Variants in ADAD1 observed in about 807,000 individuals in gnomAD.
ADAD1 encodes adenosine deaminase domain containing 1, also known as adenosine deaminase domain-containing protein 1.
ADAD1 carries 46 observed loss-of-function variants against 66.8 expected under a neutral mutation model. That is an observed-to-expected ratio of 0.69 (90% CI 0.54 to 0.88). The LOEUF is 0.88. Among genes scored for constraint, ADAD1 ranks in the 40% least tolerant of loss-of-function variants. The pLI, the probability that ADAD1 is intolerant of heterozygous loss-of-function variation, is 0.00. For synonymous variants in ADAD1, 248 were observed against 229.4 expected, an observed-to-expected ratio of 1.08 and a Z score of -0.73; for missense variants, 617 against 681.8, an observed-to-expected ratio of 0.91 and a Z score of 1.06.
intron 5 of ADAD1, among the ~76,000 whole-genome samples, chr4:122,384,243 G>A (rs1795050258): frequency 6.6e-6 from 1 of 152,144 alleles, no homozygotes; most frequent in South Asian, 2.1e-4. Flanking sequence ...AGTTTTCTTT[G>A]TAATTTGTTA....
At chr4:122,381,887 G>A (rs1794913592) in intron 4 of ADAD1, among the ~76,000 whole-genome samples, 1 of 152,142 alleles carries the variant, frequency 6.6e-6, no homozygotes, top group African/African-American at 2.4e-5. Flanking sequence ...TGAGTAGTTA[G>A]GTTGTTTCTT....
chr4:122,380,426 G>C, intron 3 of ADAD1, 185 bp downstream of exon 3: 1 of 670,328 alleles, frequency 1.5e-6, no homozygotes. Context: ...TACCTGTGCC[G>C]CTCGTTTAAC....
chr4:122,403,658 G>A (rs1413919930), intron 7 of ADAD1, among the ~76,000 whole-genome samples: 1 of 152,134 alleles, frequency 6.6e-6, no homozygotes, highest in Non-Finnish European at 1.5e-5. Context: ...GGCACCATCT[G>A]TCGTAGGAGA....
chr4:122,410,521 T>C (rs1796421470), intron 8 of ADAD1, among the ~76,000 whole-genome samples: 1 of 152,232 alleles, frequency 6.6e-6, no homozygotes, highest in Non-Finnish European at 1.5e-5. Flanking sequence ...ATTGTGAATA[T>C]ATAATCTGCA....
intron 11 of ADAD1, among the ~76,000 whole-genome samples, chr4:122,420,948 C>T (rs910701863): frequency 1.3e-5 from 2 of 152,118 alleles, no homozygotes; most frequent in Admixed American, 6.5e-5. Context: ...TACCCATTTC[C>T]AGTGAATCCC....
chr4:122,404,342 T>C (rs955227187), intron 7 of ADAD1, among the ~76,000 whole-genome samples: 1 of 152,172 alleles, frequency 6.6e-6, no homozygotes, highest in Non-Finnish European at 1.5e-5. Context: ...TTCCATAGGC[T>C]GGGGACTGGG....
intron 5 of ADAD1, among the ~76,000 whole-genome samples, chr4:122,388,531 T>C (rs1362628784): frequency 6.6e-6 from 1 of 152,242 alleles, no homozygotes; most frequent in Non-Finnish European, 1.5e-5. Context: ...TACTAATTGC[T>C]GCCTCAATTT....
rs1343672087 is a variant in ADAD1 at position 122,411,190 on chromosome 4, A to G, written c.849-32A>G. The G allele has an allele frequency of 2.7e-6, 4 of 1,504,528 alleles. No homozygotes were observed. The African/African-American group carries it at 5.7e-5, about 21-fold the overall frequency. The allele number at this position is 1,504,528 out of a possible 1,614,324, so 93.2% of individuals were successfully genotyped here. Reference sequence around the variant, plus strand: ...TTAAGATATATCTTTTATAAAGTTTATTACTTGACAAAATTATAACATTTA... The same window carrying G: ...TTAAGATATATCTTTTATAAAGTTTGTTACTTGACAAAATTATAACATTTA... On this transcript the variant is annotated intron_variant, in intron 8 of 12. Coordinates refer to ENST00000296513, the MANE Select transcript of ADAD1 (RefSeq NM_139243.4).
chr4:122,391,902 G>A (rs1426161386), intron 5 of ADAD1, among the ~76,000 whole-genome samples: 1 of 152,024 alleles, frequency 6.6e-6, no homozygotes, highest in Non-Finnish European at 1.5e-5. Context: ...TAAAGATAGG[G>A]TTTCGCCATG....
rs892136500 is a variant in ADAD1 at position 122,411,160 on chromosome 4, G to A, written c.849-62G>A. ...TGCTTCTGACACATGTGGACATGAT[G>A]CTCATTAAGATATATCTTTTATAAA... On this transcript the variant is annotated intron_variant, in intron 8 of 12. Coordinates refer to ENST00000296513, the MANE Select transcript of ADAD1 (RefSeq NM_139243.4). 2.3e-6 allele frequency: 3 copies of A among 1,308,152 alleles called. No homozygotes were observed. In the African/African-American group the frequency reaches 4.6e-5, roughly 20 times the overall value. The allele number at this position is 1,308,152 out of a possible 1,614,324, so 81.0% of individuals were successfully genotyped here.
At chr4:122,406,574 T>G (rs918418766) in intron 7 of ADAD1, among the ~76,000 whole-genome samples, 1 of 152,158 alleles carries the variant, frequency 6.6e-6, no homozygotes, top group Admixed American at 6.6e-5. Flanking sequence ...CCCAAGATGG[T>G]TTTTACTTCA....
intron 10 of ADAD1, among the ~76,000 whole-genome samples, chr4:122,414,263 T>C (rs1266199657): frequency 8.1e-6 from 1 of 123,910 alleles, no homozygotes; most frequent in African/African-American, 2.8e-5. Context: ...TTTTTCCAAA[T>C]GTCTTTTTTT....
chr4:122,426,259 G>A (rs549035600), intron 12 of ADAD1, among the ~76,000 whole-genome samples: 2 of 152,224 alleles, frequency 1.3e-5, no homozygotes, highest in South Asian at 4.1e-4. Context: ...AAATGGACAT[G>A]TTCCTAGAAA....
rs572057798 is a variant in ADAD1, at chr4:122,383,659, C to T, written c.362-140C>T. On this transcript the variant is annotated intron_variant, in intron 4 of 12. Transcript: ENST00000296513. ...AGTTTTAGTTTAACTCCTATTGGTC[C>T]TACAAAAGGACTTGTAAAGTTGGTG... The T allele has an allele frequency of 1.5e-5, 14 of 919,800 alleles. No individual in the cohort carries two copies. The South Asian group carries it at 2.6e-4, about 17-fold the overall frequency. 57.0% of individuals were successfully genotyped at this position (919,800 alleles called of 1,614,324 possible). A position where few individuals can be genotyped will look rare whatever the true frequency, so the allele number is the denominator to read the frequency against.
At chr4:122,397,479 A>G (rs535585925) in intron 7 of ADAD1, among the ~76,000 whole-genome samples, 227 of 152,338 alleles carry the variant, frequency 1.5e-3, no homozygotes, top group African/African-American at 5.2e-3. Context: ...GATTAGATAT[A>G]ATAATGTCAA....
intron 12 of ADAD1, among the ~76,000 whole-genome samples, chr4:122,424,303 T>C (rs1190967316): frequency 6.6e-6 from 1 of 152,170 alleles, no homozygotes; most frequent in Non-Finnish European, 1.5e-5. Flanking sequence ...ATGATAATTA[T>C]GTGGATAAAC....
At chr4:122,396,076 T>C (rs1240785669) in intron 6 of ADAD1, among the ~76,000 whole-genome samples, 176 bp from the exon 7 acceptor site, 3 of 152,212 alleles carry the variant, frequency 2.0e-5, no homozygotes, top group Non-Finnish European at 4.4e-5. Context: ...GCTCAATAAC[T>C]CATATTCTTT....
intron 5 of ADAD1, among the ~76,000 whole-genome samples, chr4:122,387,353 G>A (rs1280339149): frequency 1.3e-5 from 2 of 152,118 alleles, no homozygotes; most frequent in Non-Finnish European, 2.9e-5. Flanking sequence ...TACTGTTGGT[G>A]TAAAGGAATG....
intron 8 of ADAD1, among the ~76,000 whole-genome samples, chr4:122,409,957 G>A (rs1244976682): frequency 6.6e-6 from 1 of 152,172 alleles, no homozygotes; most frequent in East Asian, 1.9e-4. Flanking sequence ...TGGGATTACA[G>A]GGGTGAGCCA....
Sources: gnomAD v4.1 joint callset for allele counts (sites outside exome capture counted in the v4.1 genomes callset) on GRCh38, gnomAD v4.1.1 for gene constraint, MANE v1.5 for transcripts, NCBI Gene and HGNC (gene_info 2026-07-23, HGNC 2026-07-21) for gene names.